The following PIP5K1B variants were observed in gnomAD, a reference collection of about 807,000 sequenced individuals.
PIP5K1B encodes phosphatidylinositol-4-phosphate 5-kinase type 1 beta.
A neutral mutation model predicts 67.0 loss-of-function variants in PIP5K1B; 42 were observed. That is an observed-to-expected ratio of 0.63 (90% CI 0.49 to 0.81). The LOEUF is 0.81. PIP5K1B is among the 30% of genes least tolerant of loss of function. The pLI is 0.00. For missense variants in PIP5K1B, 459 were observed against 646.3 expected, an observed-to-expected ratio of 0.71 and a Z score of 3.14; for synonymous variants, 214 against 231.4, an observed-to-expected ratio of 0.92 and a Z score of 0.68.
At chr9:68,744,725 T>C (rs1457766514) in intron 2 of PIP5K1B, among the ~76,000 whole-genome samples, 1 of 151,888 alleles carries the variant, frequency 6.6e-6, no homozygotes, top group Non-Finnish European at 1.5e-5. Context: ...GTGTTTAGAG[T>C]TGATTCTTTC....
intron 12 of PIP5K1B, among the ~76,000 whole-genome samples, chr9:68,924,266 G>A (rs974120864): frequency 6.6e-6 from 1 of 151,434 alleles, no homozygotes; most frequent in African/African-American, 2.4e-5. Context: ...GCCAGACGTC[G>A]TGGTATGCAC....
intron 1 of PIP5K1B, among the ~76,000 whole-genome samples, chr9:68,730,808 T>C (rs751788897): frequency 2.7e-4 from 41 of 152,210 alleles, no homozygotes; most frequent in Non-Finnish European, 5.1e-4. Flanking sequence ...TTTATGTATA[T>C]GCTGGGTACA....
intron 15 of PIP5K1B, among the ~76,000 whole-genome samples, chr9:68,997,208 GAA>G (rs1297809354): frequency 6.6e-6 from 1 of 152,218 alleles, no homozygotes; most frequent in Non-Finnish European, 1.5e-5. Flanking sequence ...AAAAGCGTGA[GAA>G]AGAGAAGAAA....
intron 15 of PIP5K1B, among the ~76,000 whole-genome samples, chr9:69,007,183 G>A (rs1220127313): frequency 6.6e-6 from 1 of 152,272 alleles, no homozygotes; most frequent in Non-Finnish European, 1.5e-5. Context: ...GTGCACAATA[G>A]TCTCAGATAA....
intron 2 of PIP5K1B, among the ~76,000 whole-genome samples, chr9:68,756,989 T>TA (rs1829958425): frequency 6.6e-6 from 1 of 152,226 alleles, no homozygotes; most frequent in Non-Finnish European, 1.5e-5. Context: ...ATTTTATACT[T>TA]ATAGCACATA....
At chr9:68,943,095 C>T (rs950761640) in intron 14 of PIP5K1B, among the ~76,000 whole-genome samples, 2 of 152,192 alleles carry the variant, frequency 1.3e-5, no homozygotes, top group African/African-American at 4.8e-5. Context: ...CAATGAGCCA[C>T]CCTTTAAAAA....
chr9:68,809,528 A>C (rs1833047590), intron 2 of PIP5K1B, among the ~76,000 whole-genome samples: 1 of 152,222 alleles, frequency 6.6e-6, no homozygotes, highest in East Asian at 1.9e-4. Context: ...TGGAAGGAGC[A>C]ATGAGGAAGT....
Position 68,894,010 on chromosome 9 carries a change from TTGG to T in PIP5K1B, c.472-328_472-326del, listed in dbSNP as rs1197176081. Among the ~76,000 whole-genome samples, 74 of 152,338 alleles carry T rather than the reference TTGG, an allele frequency of 4.9e-4. 1 individual carries two copies. In the South Asian group the frequency reaches 0.015, roughly 31 times the overall value. ...ATTTTAAATGTTCATCCCTCATACC[TTGG>T]CAATTCGTTTTCTCTTTGGCTACCT... On this transcript the variant is annotated intron_variant, in intron 7 of 15. Transcript: ENST00000265382.
At chr9:68,809,151 G>C (rs1333398680) in intron 2 of PIP5K1B, among the ~76,000 whole-genome samples, 1 of 151,954 alleles carries the variant, frequency 6.6e-6, no homozygotes, top group African/African-American at 2.4e-5. Flanking sequence ...ATTTTTTCTG[G>C]TCTGAAAAAT....
At chr9:68,780,523 G>C (rs1196062924) in intron 2 of PIP5K1B, 4 of 1,614,190 alleles carry the variant, frequency 2.5e-6, no homozygotes, top group Non-Finnish European at 3.4e-6. Flanking sequence ...TGGGAGGAAA[G>C]TTTCAGCCTG....
At chr9:68,843,360 A>C (rs1305171685) in intron 4 of PIP5K1B, 1 of 152,228 alleles carries the variant, frequency 6.6e-6, no homozygotes. Context: ...CTACTCACAG[A>C]CCAATGTAGT....
chr9:68,867,167 A>G (rs989680029), intron 5 of PIP5K1B, among the ~76,000 whole-genome samples: 1 of 149,462 alleles, frequency 6.7e-6, no homozygotes, highest in South Asian at 2.2e-4. Flanking sequence ...TGGCAATACA[A>G]TATTTAACAT....
chr9:68,919,750 A>G, intron 11 of PIP5K1B, 21 bp downstream of exon 11: 1 of 1,365,834 alleles, frequency 7.3e-7, no homozygotes, highest in Non-Finnish European at 1.0e-6. Context: ...TATTTTCCTT[A>G]TTATACTGTA....
chr9:68,820,614 G>GCC (rs942512122), intron 3 of PIP5K1B, among the ~76,000 whole-genome samples: 4 of 152,128 alleles, frequency 2.6e-5, no homozygotes, highest in Admixed American at 2.0e-4. Context: ...CATATGCCGT[G>GCC]TTTATTAAAA....
At position 68,919,720 on chromosome 9, in the gene PIP5K1B, T is replaced by G; in HGVS notation, c.1107T>G (p.Val369=). 6.5e-7 allele frequency: 1 copy of G among 1,547,100 alleles called. No homozygotes were observed. The highest frequency in any genetic ancestry group is 8.9e-7 in the Non-Finnish European group (1 of 1,120,526). The change falls in exon 11 of 16, where the codon GTT becomes GTG. Residue 369 remains valine (V), a synonymous_variant. Transcript: ENST00000265382. ...KKLEHSWKAL[V]YDGDTVSVHR... Reference sequence around the variant, plus strand: ...TAGAACATTCCTGGAAAGCTCTTGTTTATGATGGGGTAAGTGACTTATTTT... The same window carrying G: ...TAGAACATTCCTGGAAAGCTCTTGTGTATGATGGGGTAAGTGACTTATTTT...
chr9:68,781,060 G>A (rs781239140), intron 2 of PIP5K1B: 50 of 1,585,900 alleles, frequency 3.2e-5, no homozygotes, highest in South Asian at 5.7e-5. Flanking sequence ...TTTTTGCAGT[G>A]GAGAGAGAGA....
In PIP5K1B at chr9:68,961,526, G is replaced by C. The variant is rs138216674; in HGVS notation, c.1502+20736G>C. Among the ~76,000 whole-genome samples the C allele has an allele frequency of 4.0e-3, 609 of 152,274 alleles. 1 individual carries two copies. Among genetic ancestry groups the C allele is most frequent in the Non-Finnish European group, 6.5e-3 (441 of 68,012 alleles). On this transcript the variant is annotated intron_variant, in intron 14 of 15. Coordinates refer to ENST00000265382, the MANE Select transcript of PIP5K1B (RefSeq NM_003558.4). ...ATTAAAAGTTCAAAGTGCGTGGCTG[G>C]GGCTTGTCATCTGTGGGTTTCACTG...
chr9:68,983,470 T>C (rs2132904722), intron 14 of PIP5K1B, among the ~76,000 whole-genome samples: 2 of 152,222 alleles, frequency 1.3e-5, no homozygotes, highest in Non-Finnish European at 2.9e-5. Context: ...GTTTTTTTTT[T>C]CTCCTTAGCA....
At chr9:68,816,325 C>T (rs1833445323) in intron 2 of PIP5K1B, among the ~76,000 whole-genome samples, 1 of 152,100 alleles carries the variant, frequency 6.6e-6, no homozygotes, top group African/African-American at 2.4e-5. Context: ...GACAGGGTTT[C>T]ACCATAATGG....
Sources: gnomAD v4.1 joint callset for allele counts (sites outside exome capture counted in the v4.1 genomes callset) on GRCh38, gnomAD v4.1.1 for gene constraint, MANE v1.5 for transcripts, NCBI Gene and HGNC (gene_info 2026-07-23, HGNC 2026-07-21) for gene names.